PRKG1: variants seen among roughly 807,000 people sequenced by gnomAD.
PRKG1 encodes cGMP-dependent protein kinase 1.
In PRKG1, 35 loss-of-function variants were observed where a neutral mutation model predicts 88.1. That is an observed-to-expected ratio of 0.40 (90% CI 0.30 to 0.53). The LOEUF (loss-of-function observed/expected upper bound fraction) is 0.53, where lower values mean the gene tolerates loss of function less well. PRKG1 is among the 20% of genes least tolerant of loss of function. The pLI is 0.59. For synonymous variants in PRKG1, 303 were observed against 292.5 expected (o/e 1.04, Z -0.37); for missense variants, 540 against 839.8 (o/e 0.64, Z 4.41).
chr10:52,014,166 T>C (rs1844972692), intron 5 of PRKG1, among the ~76,000 whole-genome samples: 1 of 152,190 alleles, frequency 6.6e-6, no homozygotes, highest in African/African-American at 2.4e-5. Flanking sequence ...TTAGTCTACT[T>C]GCACATTGCT....
intron 10 of PRKG1, among the ~76,000 whole-genome samples, chr10:52,268,485 A>AGT (rs1456183080): frequency 2.0e-5 from 3 of 152,032 alleles, no homozygotes; most frequent in Admixed American, 6.6e-5. Context: ...GGAAAATGTC[A>AGT]GTGAGGCTTT....
chr10:51,753,320 G>T (rs1311602458), intron 3 of PRKG1, among the ~76,000 whole-genome samples: 3 of 151,974 alleles, frequency 2.0e-5, no homozygotes, highest in South Asian at 2.1e-4. Context: ...ATACCAATTC[G>T]TTTAGATTAT....
At chr10:51,781,189 T>G (rs1335582942) in intron 3 of PRKG1, among the ~76,000 whole-genome samples, 2 of 152,128 alleles carry the variant, frequency 1.3e-5, no homozygotes, top group Non-Finnish European at 2.9e-5. Flanking sequence ...CCAAATGCCC[T>G]TTCTGCTTTA....
intron 2 of PRKG1, among the ~76,000 whole-genome samples, chr10:51,295,637 C>G (rs1043555639): frequency 4.0e-5 from 6 of 149,152 alleles, no homozygotes; most frequent in African/African-American, 1.2e-4. Context: ...GATTTCCTTT[C>G]CTTTCCTCTT....
chr10:51,055,859 A>G (rs1199493621), intron 1 of PRKG1, among the ~76,000 whole-genome samples: 1 of 152,054 alleles, frequency 6.6e-6, no homozygotes, highest in Non-Finnish European at 1.5e-5. Context: ...TCTTAGTAAA[A>G]ATCCCACCAT....
intron 3 of PRKG1, among the ~76,000 whole-genome samples, chr10:51,537,747 A>AAAAT (rs1842193749): frequency 6.6e-6 from 1 of 151,218 alleles, no homozygotes; most frequent in Non-Finnish European, 1.5e-5. Flanking sequence ...AAAAAAAAAA[A>AAAAT]ATTACTCGGG....
rs1415138389 is a variant in PRKG1 at position 51,004,760 on chromosome 10, T to A, written c.266+13116T>A. ...TGTGTGTTTAAGCTGAAAAAAAAAA[T>A]TAATTGCTACAGTGTAATTTTGAAA... On this transcript the variant is annotated intron_variant, in intron 1 of 17. Transcript: ENST00000401604. 2.0e-5 allele frequency among the ~76,000 whole-genome samples: 3 copies of A among 152,016 alleles called. 1 individual carries two copies. Among genetic ancestry groups the A allele is most frequent in the East Asian group, 3.9e-4 (2 of 5,192 alleles).
At chr10:51,729,794 G>A (rs1046201931) in intron 3 of PRKG1, among the ~76,000 whole-genome samples, 6 of 148,234 alleles carry the variant, frequency 4.0e-5, no homozygotes, top group Non-Finnish European at 8.9e-5. Context: ...ATCAGCTACT[G>A]AAAAAGTAGA....
At chr10:51,178,606 C>T (rs10995918) in intron 2 of PRKG1, among the ~76,000 whole-genome samples, 66,235 of 151,850 alleles carry the variant, frequency 0.44, 14,346 homozygotes, top group Middle Eastern at 0.47. Context: ...CACTGCACTC[C>T]GGCCTGGAAG....
rs74133550 is a variant in PRKG1 at position 51,249,524 on chromosome 10, C to G, written c.478+96194C>G. ...GTAAATTAAATTTAATTGATATATT[C>G]TAATCAGACATATTTTAGGTGATAT... On this transcript the variant is annotated intron_variant, in intron 2 of 17. Transcript: ENST00000373980. Among the ~76,000 whole-genome samples the G allele has an allele frequency of 2.6e-3, 401 of 151,846 alleles. 3 individuals carry two copies. Among genetic ancestry groups the G allele is most frequent in the African/African-American group, 8.2e-3 (341 of 41,502 alleles).
At chr10:51,620,229 T>C (rs967216392) in intron 3 of PRKG1, among the ~76,000 whole-genome samples, 11 of 152,286 alleles carry the variant, frequency 7.2e-5, no homozygotes, top group African/African-American at 2.6e-4. Context: ...CTTATGAAGA[T>C]TGTAGAAAGT....
intron 3 of PRKG1, among the ~76,000 whole-genome samples, chr10:51,552,744 T>C (rs930203010): frequency 6.6e-6 from 1 of 151,630 alleles, no homozygotes; most frequent in Non-Finnish European, 1.5e-5. Context: ...TGTTGTGAAA[T>C]CAAGTATCTT....
rs1051192176 is a variant in PRKG1 at position 52,295,274 on chromosome 10, G to C, written c.*1374G>C. On this transcript the variant is annotated 3_prime_UTR_variant, in exon 18 of 18. Coordinates refer to ENST00000373980, the MANE Select transcript of PRKG1 (RefSeq NM_006258.4). ...TTGATTACCTTTTAGTGAATAAGCT[G>C]AGTCCATATACTTGTCTAACTAAGA... 1 of 151,972 alleles carries C rather than the reference G, an allele frequency of 6.6e-6. No homozygotes were observed. Among genetic ancestry groups the C allele is most frequent in the African/African-American group, 2.4e-5 (1 of 41,400 alleles). 9.4% of individuals were successfully genotyped at this position (151,972 alleles called of 1,614,324 possible).
chr10:52,014,133 G>C (rs555639347), intron 5 of PRKG1, among the ~76,000 whole-genome samples: 1 of 152,292 alleles, frequency 6.6e-6, no homozygotes, highest in African/African-American at 2.4e-5. Context: ...TCAAGAAGAA[G>C]AGGTATTTCA....
intron 2 of PRKG1, among the ~76,000 whole-genome samples, chr10:51,274,629 C>T (rs1840067848): frequency 2.0e-5 from 3 of 152,114 alleles, no homozygotes; most frequent in Non-Finnish European, 4.4e-5. Flanking sequence ...ATTGATCGAT[C>T]CTGTTAGAGT....
At chr10:51,490,282 G>T (rs1840670575) in intron 3 of PRKG1, among the ~76,000 whole-genome samples, 1 of 152,010 alleles carries the variant, frequency 6.6e-6, no homozygotes, top group Non-Finnish European at 1.5e-5. Flanking sequence ...AATTCTTCTG[G>T]TGATTCCACA....
chr10:51,344,978 GTTTC>G (rs1298229321), intron 2 of PRKG1, among the ~76,000 whole-genome samples: 1 of 152,038 alleles, frequency 6.6e-6, no homozygotes, highest in African/African-American at 2.4e-5. Context: ...TAACAAGACT[GTTTC>G]TTTATTTTAA....
At chr10:51,548,151 C>T (rs943445649) in intron 3 of PRKG1, among the ~76,000 whole-genome samples, 1 of 152,046 alleles carries the variant, frequency 6.6e-6, no homozygotes. Context: ...GAAGCTGATG[C>T]CCCACAGCTC....
intron 8 of PRKG1, among the ~76,000 whole-genome samples, chr10:52,136,757 T>C (rs957912117): frequency 1.3e-5 from 2 of 152,060 alleles, no homozygotes; most frequent in Non-Finnish European, 2.9e-5. Flanking sequence ...AAATATGCCC[T>C]TCCTCTTCTT....
Sources: allele counts gnomAD v4.1 joint callset (sites outside exome capture counted in the v4.1 genomes callset), GRCh38; gene constraint gnomAD v4.1.1; transcripts MANE v1.5; gene names NCBI Gene and HGNC (gene_info 2026-07-23, HGNC 2026-07-21).